EYS: variants seen among roughly 807,000 people sequenced by gnomAD.
EYS encodes the protein protein eyes shut homolog.
EYS carries 250 observed loss-of-function variants against 282.1 expected under a neutral mutation model. The observed-to-expected ratio is 0.89, with a 90% CI of 0.80 to 0.98. EYS has a LOEUF of 0.98. Among genes scored for constraint, EYS ranks in the 50% least tolerant of loss-of-function variants. The pLI, the probability that EYS is intolerant of heterozygous loss-of-function variation, is 0.00. For missense variants in EYS, 4,016 were observed against 3,709.0 expected, an observed-to-expected ratio of 1.08 and a Z score of -2.15; for synonymous variants, 1,355 against 1,282.9, an observed-to-expected ratio of 1.06 and a Z score of -1.20.
At chr6:64,754,340 A>T (rs1280588136) in intron 22 of EYS, among the ~76,000 whole-genome samples, 1 of 152,106 alleles carries the variant, frequency 6.6e-6, no homozygotes, top group Non-Finnish European at 1.5e-5. Context: ...GTGAAATAGA[A>T]TTAGTAATTT....
At chr6:64,198,577 T>G (rs888437128) in intron 31 of EYS, among the ~76,000 whole-genome samples, 1 of 151,714 alleles carries the variant, frequency 6.6e-6, no homozygotes, top group Non-Finnish European at 1.5e-5. Context: ...ACATGTGGTG[T>G]TTGGTTTTCT....
chr6:64,278,918 A>C (rs1768209458), intron 30 of EYS, among the ~76,000 whole-genome samples: 1 of 152,012 alleles, frequency 6.6e-6, no homozygotes, highest in African/African-American at 2.4e-5. Flanking sequence ...ATGCCTGGCT[A>C]ATTTTTTTCA....
chr6:64,169,431 G>GTTTTTTTTTTTTTTT lies in EYS; in HGVS notation c.6424+61146_6424+61160dup, dbSNP rs35657029. Among the ~76,000 whole-genome samples the GTTTTTTTTTTTTTTT allele has an allele frequency of 1.5e-3, 208 of 140,940 alleles. 7 individuals are homozygous for GTTTTTTTTTTTTTTT. Among genetic ancestry groups the GTTTTTTTTTTTTTTT allele is most frequent in the African/African-American group, 5.3e-3 (192 of 36,380 alleles). The allele number at this position is 140,940 out of a possible 152,430, so 92.5% of individuals were successfully genotyped here. A position where few individuals can be genotyped will look rare whatever the true frequency, so the allele number is the denominator to read the frequency against. On this transcript the variant is annotated intron_variant, in intron 31 of 42. Transcript: ENST00000503581. The stretch of plus-strand genomic sequence containing the variant: ...ACATACTCAAACAATTTGAGGAGGA[G>GTTTTTTTTTTTTTTT]TTTTTTTTTTTTTTTTACAAAAAGG...
intron 22 of EYS, among the ~76,000 whole-genome samples, chr6:64,635,873 T>G (rs942957285): frequency 1.3e-5 from 2 of 152,194 alleles, no homozygotes; most frequent in East Asian, 1.9e-4. Context: ...TTTTTCTATT[T>G]ATTGGAATAG....
intron 22 of EYS, among the ~76,000 whole-genome samples, chr6:64,749,421 G>A (rs368517883): frequency 1.1e-3 from 168 of 152,190 alleles, no homozygotes; most frequent in South Asian, 5.6e-3. Flanking sequence ...GTTTTGTTGA[G>A]TCAGATTAGG....
At chr6:63,755,082 G>A (rs1418281919) in intron 41 of EYS, among the ~76,000 whole-genome samples, 1 of 151,990 alleles carries the variant, frequency 6.6e-6, no homozygotes, top group Non-Finnish European at 1.5e-5. Flanking sequence ...TGTAGATCCT[G>A]GATATTTGCC....
At chr6:65,287,513 C>A (rs547507635) in intron 12 of EYS, among the ~76,000 whole-genome samples, 5 of 151,318 alleles carry the variant, frequency 3.3e-5, no homozygotes, top group African/African-American at 9.7e-5. Flanking sequence ...TGCACATAAC[C>A]TTTTCCTTCC....
At chr6:64,861,503 T>A (rs1766236871) in intron 19 of EYS, among the ~76,000 whole-genome samples, 1 of 152,088 alleles carries the variant, frequency 6.6e-6, no homozygotes, top group Non-Finnish European at 1.5e-5. Flanking sequence ...AAGGTGTGGC[T>A]CCTGACTGCT....
chr6:64,299,694 TCA>T (rs1228530637), intron 30 of EYS, among the ~76,000 whole-genome samples: 1 of 152,212 alleles, frequency 6.6e-6, no homozygotes, highest in African/African-American at 2.4e-5. Context: ...TGGTGAAGCC[TCA>T]GTTTTGCAGG....
chr6:65,443,409 T>TATAGCCATATATGTACATATATGTACAC, intron 5 of EYS, among the ~76,000 whole-genome samples: 1 of 148,998 alleles, frequency 6.7e-6, no homozygotes, highest in Non-Finnish European at 1.5e-5. Flanking sequence ...TATGTACACA[T>TATAGCCATATATGTACATATATGTACAC]ATAGCCATAT....
rs866383314 is a variant in EYS at position 64,686,721 on chromosome 6, G to C, written c.3444-60476C>G. 4.0e-4 allele frequency among the ~76,000 whole-genome samples: 57 copies of C among 141,468 alleles called. 1 individual carries two copies. The East Asian group carries it at 0.01, about 26-fold the overall frequency. The allele number at this position is 141,468 out of a possible 152,430, so 92.8% of individuals were successfully genotyped here. ...CGCACCACTGCACTCCAGCCTGGGC[G>C]ACAGAGCAAGATTCCATCTAAATAT... On this transcript the variant is annotated intron_variant, in intron 22 of 42. Coordinates refer to ENST00000503581, the MANE Select transcript of EYS (RefSeq NM_001142800.2).
At chr6:64,347,922 A>T (rs939511280) in intron 29 of EYS, among the ~76,000 whole-genome samples, 1 of 151,256 alleles carries the variant, frequency 6.6e-6, no homozygotes, top group Admixed American at 6.6e-5. Flanking sequence ...TTTACTCTCA[A>T]CCTCTACTCA....
intron 8 of EYS, among the ~76,000 whole-genome samples, chr6:65,363,016 T>C (rs9445524): frequency 0.67 from 101,604 of 150,776 alleles, 34,566 homozygotes; most frequent in South Asian, 0.71. Flanking sequence ...TAGTCCTAAA[T>C]CAACTTTCAG....
intron 12 of EYS, among the ~76,000 whole-genome samples, chr6:65,189,973 G>C (rs189263590): frequency 6.6e-6 from 1 of 151,652 alleles, no homozygotes; most frequent in Admixed American, 6.6e-5. Context: ...CAGGTTCCTC[G>C]GGCCAGAGAC....
chr6:64,958,322 C>A (rs1769783574), intron 14 of EYS, among the ~76,000 whole-genome samples: 1 of 152,034 alleles, frequency 6.6e-6, no homozygotes, highest in Admixed American at 6.6e-5. Context: ...GCAGCGGTTG[C>A]AGTGAGCGAA....
chr6:64,629,221 C>G (rs1381843005), intron 22 of EYS, among the ~76,000 whole-genome samples: 1 of 152,068 alleles, frequency 6.6e-6, no homozygotes, highest in Non-Finnish European at 1.5e-5. Context: ...CATGGTTACA[C>G]TGGTGTTATA....
At chr6:64,706,036 A>G (rs1241746366) in intron 22 of EYS, among the ~76,000 whole-genome samples, 1 of 151,676 alleles carries the variant, frequency 6.6e-6, no homozygotes, top group African/African-American at 2.4e-5. Flanking sequence ...AAAAAGCACA[A>G]ATCTGGAGGC....
intron 5 of EYS, among the ~76,000 whole-genome samples, chr6:65,482,846 AAT>A (rs1399783759): frequency 5.3e-5 from 8 of 152,164 alleles, no homozygotes; most frequent in Non-Finnish European, 1.0e-4. Context: ...CTTGAAACTA[AAT>A]GTTTATGGTA....
intron 8 of EYS, among the ~76,000 whole-genome samples, chr6:65,375,928 G>A (rs1201948360): frequency 6.6e-6 from 1 of 152,142 alleles, no homozygotes. Flanking sequence ...GTCATGGGGA[G>A]AATGGAAGCA....
Sources: gnomAD v4.1 joint callset for allele counts (sites outside exome capture counted in the v4.1 genomes callset) on GRCh38, gnomAD v4.1.1 for gene constraint, MANE v1.5 for transcripts, NCBI Gene and HGNC (gene_info 2026-07-23, HGNC 2026-07-21) for gene names.